Variants in TULP2 observed in about 807,000 individuals in gnomAD.
TULP2 encodes TUB like protein 2.
In TULP2, 64 loss-of-function variants were observed where a neutral mutation model predicts 60.3. That is an observed-to-expected ratio of 1.06 (90% CI 0.87 to 1.31). The LOEUF (loss-of-function observed/expected upper bound fraction) is 1.31. Among genes scored for constraint, TULP2 ranks in the 50% most tolerant of loss-of-function variants. TULP2 has a pLI of 0.00. For missense variants in TULP2, 652 were observed against 667.0 expected (o/e 0.98, Z 0.25); for synonymous variants, 267 against 265.4 (o/e 1.01, Z -0.06).
chr19:48,896,279 C>G (rs1317003723), intron 4 of TULP2, 151 bp downstream of exon 4: 6 of 1,170,110 alleles, frequency 5.1e-6, no homozygotes, highest in African/African-American at 1.6e-5. Context: ...GCCCACAGGC[C>G]CTGTTCTAAA....
intron 5 of TULP2, 34 bp from the exon 6 acceptor site, chr19:48,895,196 G>A: frequency 2.5e-5 from 40 of 1,606,258 alleles, no homozygotes; most frequent in Non-Finnish European, 3.1e-5. Context: ...TTGGATTTCT[G>A]GATGCTGCAG....
chr19:48,895,677 C>T (rs2037272422), intron 4 of TULP2, among the ~76,000 whole-genome samples, 174 bp from the exon 5 acceptor site: 1 of 152,090 alleles, frequency 6.6e-6, no homozygotes, highest in Non-Finnish European at 1.5e-5. Context: ...GTCGGGAGTT[C>T]GAGACCAGCC....
chr19:48,881,634 G>A (rs1568566794), intron 12 of TULP2, among the ~76,000 whole-genome samples: 2 of 151,638 alleles, frequency 1.3e-5, no homozygotes, highest in Non-Finnish European at 2.9e-5. Flanking sequence ...CGCCCGCCTC[G>A]GCCTCCCAAA....
At chr19:48,887,338 T>A (rs899108963) in intron 8 of TULP2, among the ~76,000 whole-genome samples, 29 of 95,272 alleles carry the variant, frequency 3.0e-4, no homozygotes, top group Non-Finnish European at 4.1e-4. Flanking sequence ...TTTTTTTTTT[T>A]TTTTTATGCA....
intron 4 of TULP2, 28 bp from the exon 5 acceptor site, chr19:48,895,531 A>C: frequency 6.3e-7 from 1 of 1,584,552 alleles, no homozygotes; most frequent in Non-Finnish European, 8.6e-7. Context: ...GAGCCCATGA[A>C]AACGATCTAC....
rs2037229166 is a variant in TULP2 at position 48,891,175 on chromosome 19, T to A, written c.515-1544A>T. ...TAAAAATACAAAAAAAAAAAAAAAA[T>A]TAGCCGGGTGTGGTGGCCGGCGCCT... is the stretch of plus-strand genomic sequence containing the variant. On this transcript the variant is annotated intron_variant, in intron 6 of 12. Transcript: ENST00000221399. Among the ~76,000 whole-genome samples the A allele has an allele frequency of 3.8e-5, 5 of 130,092 alleles. No individual in the cohort carries two copies. The South Asian group carries it at 1.2e-3, about 31-fold the overall frequency. The allele number at this position is 130,092 out of a possible 152,430, so 85.3% of individuals were successfully genotyped here.
At chr19:48,887,232 C>T (rs910597606) in intron 8 of TULP2, among the ~76,000 whole-genome samples, 23 of 147,474 alleles carry the variant, frequency 1.6e-4, no homozygotes, top group African/African-American at 5.2e-4. Flanking sequence ...AGGCTGGTCT[C>T]GAACTCCTGA....
intron 12 of TULP2, 42 bp downstream of exon 12, chr19:48,881,990 C>A (rs755921038): frequency 6.2e-7 from 1 of 1,613,936 alleles, no homozygotes; most frequent in Non-Finnish European, 8.5e-7. Context: ...ACCCTAACCC[C>A]CACCCCACCT....
intron 6 of TULP2, among the ~76,000 whole-genome samples, chr19:48,890,568 C>T (rs1463146541): frequency 6.6e-6 from 1 of 152,010 alleles, no homozygotes; most frequent in East Asian, 1.9e-4. Context: ...CTAACGAACC[C>T]ACAGGTGTGG....
chr19:48,889,610 C>A lies in TULP2; in HGVS notation c.536G>T (p.Ser179Ile). 6.3e-7 allele frequency: 1 copy of A among 1,584,104 alleles called. No homozygotes were observed. Among genetic ancestry groups the A allele is most frequent in the Non-Finnish European group, 8.6e-7 (1 of 1,156,178 alleles). Residue 179 changes from serine to isoleucine, a missense_variant, in exon 7 of 13, where the codon AGT becomes ATT. By Grantham distance (142) the Ser-to-Ile change is moderately radical. Transcript: ENST00000221399. ...QRPGTRAEGE[S>I]DSQDMGDAHK... Reference sequence around the variant, plus strand: ...TGCATCTCCCATATCCTGGGAGTCACTCTCACCCTCTGCACGGGTCCCTAA... The same window carrying A: ...TGCATCTCCCATATCCTGGGAGTCAATCTCACCCTCTGCACGGGTCCCTAA...
chr19:48,895,707 C>T lies in TULP2; in HGVS notation c.212-204G>A, dbSNP rs565376255. 1.2e-3 allele frequency among the ~76,000 whole-genome samples: 190 copies of T among 152,206 alleles called. 1 individual carries two copies. Among genetic ancestry groups the T allele is most frequent in the African/African-American group, 4.3e-3 (177 of 41,534 alleles). ...CCAGCCTGACCAACATGGAGAAACA[C>T]CGTCTCTACTAAAAACACAAAATTA... On this transcript the variant is annotated intron_variant, in intron 4 of 12. Transcript: ENST00000221399.
At position 48,884,600 on chromosome 19, in the gene TULP2, G is replaced by A. The variant is rs543238308; in HGVS notation, c.1062-554C>T. On this transcript the variant is annotated intron_variant, in intron 9 of 12. Transcript: ENST00000221399. The stretch of plus-strand genomic sequence containing the variant: ...AGCCTGACAGACATGGAGAAACCCC[G>A]TCTCTACTAAAAATACAAAATTAGC... Among the ~76,000 whole-genome samples, 542 of 151,916 alleles carry A rather than the reference G, an allele frequency of 3.6e-3. 3 individuals are homozygous for A. The highest frequency in any genetic ancestry group is 0.014 in the Middle Eastern group (4 of 294).
Position 48,889,610 on chromosome 19 carries a change from C to T in TULP2, c.536G>A (p.Ser179Asn), listed in dbSNP as rs147078776. The T allele has an allele frequency of 1.3e-6, 2 of 1,584,104 alleles. No homozygotes were observed. The highest frequency in any genetic ancestry group is 1.7e-6 in the Non-Finnish European group (2 of 1,156,180). The change falls in exon 7 of 13, where the codon AGT becomes AAT. Residue 179 changes from serine to asparagine, a missense_variant. Transcript: ENST00000221399. ...TGCATCTCCCATATCCTGGGAGTCACTCTCACCCTCTGCACGGGTCCCTAA... is the reference window on the plus strand; with the variant it reads ...TGCATCTCCCATATCCTGGGAGTCATTCTCACCCTCTGCACGGGTCCCTAA... ...QRPGTRAEGE[S>N]DSQDMGDAHK... is the part of the protein sequence containing the mutation.
intron 3 of TULP2, chr19:48,896,773 C>T (rs1449988053): frequency 4.1e-6 from 2 of 491,642 alleles, no homozygotes; most frequent in Non-Finnish European, 6.9e-6. Context: ...TCCTCTCATC[C>T]CCCAGGACCC....
chr19:48,886,459 G>A lies in TULP2; in HGVS notation c.949-899C>T, dbSNP rs114667679. On this transcript the variant is annotated intron_variant, in intron 8 of 12. Transcript: ENST00000221399. ...AGCCCAGGAAGGGTCTGGCTTTGGA[G>A]AATGGGGAGCACCCTCACTTGCAAT... Among the ~76,000 whole-genome samples the A allele has an allele frequency of 5.8e-3, 880 of 152,256 alleles. 6 individuals are homozygous for A. The highest frequency in any genetic ancestry group is 0.016 in the African/African-American group (645 of 41,552).
In TULP2 at chr19:48,897,389, C is replaced by T; in HGVS notation, c.40G>A (p.Gly14Arg). The change falls in exon 3 of 13, where the codon GGG (glycine) becomes AGG (arginine). Residue 14 changes from glycine to arginine, a missense_variant. Transcript: ENST00000221399. The surrounding 1 kb of genome is among the most constrained non-coding windows in gnomAD (Gnocchi z 4.0). ...DNDTLMRDIL[G>R]HELAAMRLQK... Reference sequence around the variant, plus strand: ...AGCCTCATAGCAGCGAGCTCATGCCCCAGGATGCTGAGAGAGACACAGGCC... The same window carrying T: ...AGCCTCATAGCAGCGAGCTCATGCCTCAGGATGCTGAGAGAGACACAGGCC... 7 of 1,613,660 alleles carry T rather than the reference C, an allele frequency of 4.3e-6. No individual in the cohort carries two copies. Among genetic ancestry groups the T allele is most frequent in the Non-Finnish European group, 5.9e-6 (7 of 1,179,818 alleles).
At chr19:48,884,642 T>C (rs1270639966) in intron 9 of TULP2, among the ~76,000 whole-genome samples, 1 of 150,868 alleles carries the variant, frequency 6.6e-6, no homozygotes, top group African/African-American at 2.4e-5. Context: ...TGGTGGTGCA[T>C]GCCTGTAATC....
At position 48,885,480 on chromosome 19, in the gene TULP2, A is replaced by C; in HGVS notation, c.1029T>G (p.Ser343=). 1 of 1,613,954 alleles carries C rather than the reference A, an allele frequency of 6.2e-7. No homozygotes were observed. Among genetic ancestry groups the C allele is most frequent in the Non-Finnish European group, 8.5e-7 (1 of 1,179,960 alleles). The change falls in exon 9 of 13, where the codon TCT becomes TCG. Residue 343 remains serine (S), a synonymous_variant. Coordinates refer to ENST00000221399, the MANE Select transcript of TULP2 (RefSeq NM_003323.3). Reference sequence around the variant, plus strand: ...TGCCCACGAAATTGTCCCCGTCCCGAGATAGGTGTGTAGGATCCAGGGAGA... The same window carrying C: ...TGCCCACGAAATTGTCCCCGTCCCGCGATAGGTGTGTAGGATCCAGGGAGA... ...YLISLDPTHL[S]RDGDNFVGKV... is the part of the protein sequence containing the mutation.
intron 6 of TULP2, among the ~76,000 whole-genome samples, chr19:48,892,169 T>G (rs1467680735): frequency 6.6e-6 from 1 of 152,200 alleles, no homozygotes; most frequent in East Asian, 1.9e-4. Context: ...CACAGACCCT[T>G]TACGGGTGTC....
Sources: allele counts gnomAD v4.1 joint callset (sites outside exome capture counted in the v4.1 genomes callset), GRCh38; gene constraint gnomAD v4.1.1; non-coding constraint Gnocchi (gnomAD v3.1); transcripts MANE v1.5; gene names NCBI Gene and HGNC (gene_info 2026-07-23, HGNC 2026-07-21).